Variants in ITGB3 observed in about 807,000 individuals in gnomAD.
ITGB3 encodes the protein integrin beta-3.
Under a neutral mutation model 85.8 loss-of-function variants are expected in ITGB3, and 48 were observed. That is an observed-to-expected ratio of 0.56 (90% CI 0.44 to 0.71). ITGB3 has a LOEUF of 0.71. Among genes scored for constraint, ITGB3 ranks in the 30% least tolerant of loss-of-function variants. The pLI, the probability that ITGB3 is intolerant of heterozygous loss-of-function variation, is 0.00. For missense variants in ITGB3, 861 were observed against 1,019.1 expected (o/e 0.84, Z 2.11); for synonymous variants, 363 against 395.6 (o/e 0.92, Z 0.98).
chr17:47,288,220 GAGAGAGAGAGAGAGAGAGAGAA>G (rs1481783364), intron 6 of ITGB3, among the ~76,000 whole-genome samples: 1 of 135,220 alleles, frequency 7.4e-6, no homozygotes, highest in Non-Finnish European at 1.6e-5. Flanking sequence ...GAGAGAGAGA[GAGAGAGAGAGAGAGAGAGAGAA>G]AGAGGGGAAA....
At chr17:47,300,904 G>A (rs1214020359) in intron 12 of ITGB3, among the ~76,000 whole-genome samples, 1 of 152,156 alleles carries the variant, frequency 6.6e-6, no homozygotes, top group Non-Finnish European at 1.5e-5. Flanking sequence ...AAAAACTGAG[G>A]CACAGAGCTG....
rs998051675 is a variant in ITGB3 at position 47,313,127 on chromosome 17, C to A, written c.*2923C>A. 6.6e-6 allele frequency among the ~76,000 whole-genome samples: 1 copy of A among 152,020 alleles called. No homozygotes were observed. Among genetic ancestry groups the A allele is most frequent in the Non-Finnish European group, 1.5e-5 (1 of 68,006 alleles). On this transcript the variant is annotated 3_prime_UTR_variant, in exon 15 of 15. Coordinates refer to ENST00000559488, the MANE Select transcript of ITGB3 (RefSeq NM_000212.3). ...TAGCCGGGATTACAGGCACCCGCCA[C>A]CACACCCGGCTAATTTTTGTATTTT...
At chr17:47,254,195 T>G (rs1302078849) in intron 1 of ITGB3, among the ~76,000 whole-genome samples, 1 of 151,960 alleles carries the variant, frequency 6.6e-6, no homozygotes, top group Non-Finnish European at 1.5e-5. Context: ...CTGAGCGCCT[T>G]CCCGGCCGCC....
intron 1 of ITGB3, among the ~76,000 whole-genome samples, chr17:47,269,537 C>G (rs1283253132): frequency 1.3e-5 from 2 of 152,230 alleles, no homozygotes; most frequent in Non-Finnish European, 2.9e-5. Context: ...TACTCCAGTT[C>G]CCAATAAGTT....
chr17:47,295,348 G>A (rs1341386580), intron 10 of ITGB3, among the ~76,000 whole-genome samples: 1 of 152,074 alleles, frequency 6.6e-6, no homozygotes, highest in Non-Finnish European at 1.5e-5. Flanking sequence ...TGTGGGGCTC[G>A]TGTTCCCAAT....
rs2143113174 is a variant in ITGB3, at chr17:47,292,331, G to A, written c.1453G>A (p.Val485Ile). Reference protein sequence around the residue: ...NNGNGTFECGVCRCGPGWLGS... With the variant: ...NNGNGTFECGICRCGPGWLGS... ...TGGCAATGGGACCTTTGAGTGTGGGGTATGCCGTTGTGGGCCTGGCTGGCT... is the reference window on the plus strand; with the variant it reads ...TGGCAATGGGACCTTTGAGTGTGGGATATGCCGTTGTGGGCCTGGCTGGCT... The change falls in exon 10 of 15, where the codon GTA becomes ATA. Residue 485 changes from valine to isoleucine, a missense_variant. Transcript: ENST00000559488. 1 of 1,614,218 alleles carries A rather than the reference G, an allele frequency of 6.2e-7. No individual in the cohort carries two copies. The highest frequency in any genetic ancestry group is 8.5e-7 in the Non-Finnish European group (1 of 1,180,032).
At chr17:47,308,687 C>A (rs111881478) in intron 14 of ITGB3, among the ~76,000 whole-genome samples, 2,343 of 151,908 alleles carry the variant, frequency 0.015, 52 homozygotes, top group African/African-American at 0.054. Context: ...TTTTTAGTAG[C>A]GACGGGGTTT....
intron 12 of ITGB3, among the ~76,000 whole-genome samples, chr17:47,301,658 A>G (rs1003717466): frequency 1.3e-5 from 2 of 152,154 alleles, no homozygotes; most frequent in Non-Finnish European, 2.9e-5. Flanking sequence ...CAGGGAAAAG[A>G]GTGTGGAAAT....
In ITGB3 at chr17:47,253,850, G is replaced by T; in HGVS notation, c.-12G>T. 8.2e-7 allele frequency: 1 copy of T among 1,213,820 alleles called. No individual in the cohort carries two copies. Among genetic ancestry groups the T allele is most frequent in the Non-Finnish European group, 1.0e-6 (1 of 976,538 alleles). 75.2% of individuals were successfully genotyped at this position (1,213,820 alleles called of 1,614,324 possible). A position where few individuals can be genotyped will look rare whatever the true frequency, so the allele number is the denominator to read the frequency against. On this transcript the variant is annotated 5_prime_UTR_variant, in exon 1 of 15. Coordinates refer to ENST00000559488, the MANE Select transcript of ITGB3 (RefSeq NM_000212.3). The stretch of plus-strand genomic sequence containing the variant: ...CTGTGGGGCGGGCGGAGCGCCGCGG[G>T]AGGCGGACGAGATGCGAGCGCGGCC...
intron 1 of ITGB3, among the ~76,000 whole-genome samples, chr17:47,260,620 G>A (rs1429999094): frequency 5.3e-5 from 8 of 152,126 alleles, no homozygotes; most frequent in African/African-American, 1.7e-4. Context: ...GCCATCGCAC[G>A]TGTTGAACTC....
intron 1 of ITGB3, chr17:47,259,330 T>C (rs946185473): frequency 6.9e-6 from 1 of 145,466 alleles, no homozygotes; most frequent in Admixed American, 6.8e-5. Context: ...TTTTTTTTTT[T>C]CCTTTTTTTT....
At chr17:47,267,486 A>C (rs2065029535) in intron 1 of ITGB3, among the ~76,000 whole-genome samples, 1 of 152,176 alleles carries the variant, frequency 6.6e-6, no homozygotes, top group Non-Finnish European at 1.5e-5. Flanking sequence ...GAGACTTCTG[A>C]TGAGTCAGTC....
intron 13 of ITGB3, among the ~76,000 whole-genome samples, chr17:47,305,836 T>C (rs1463547496): frequency 6.6e-6 from 1 of 152,204 alleles, no homozygotes; most frequent in Non-Finnish European, 1.5e-5. Context: ...CAGCTGGGTG[T>C]AAGAAGATCC....
chr17:47,278,667 C>T (rs996786592), intron 2 of ITGB3, among the ~76,000 whole-genome samples: 1 of 152,172 alleles, frequency 6.6e-6, no homozygotes, highest in Non-Finnish European at 1.5e-5. Flanking sequence ...TAGTCCATGG[C>T]CTGTTAGGAA....
At chr17:47,289,657 C>T in intron 6 of ITGB3, 24 bp from the exon 7 acceptor site, 2 of 1,534,442 alleles carry the variant, frequency 1.3e-6, no homozygotes, top group Non-Finnish European at 1.8e-6. Context: ...ACGTCATTAA[C>T]CTCTACATCC....
chr17:47,260,860 AT>A (rs1254637607), intron 1 of ITGB3, among the ~76,000 whole-genome samples: 1 of 151,856 alleles, frequency 6.6e-6, no homozygotes, highest in Non-Finnish European at 1.5e-5. Context: ...AAAATTATGT[AT>A]ATTTATGATG....
In ITGB3 at chr17:47,284,692, A is replaced by G. The variant is rs768860879; in HGVS notation, c.611A>G (p.Tyr204Cys). 3.7e-6 allele frequency: 6 copies of G among 1,614,174 alleles called. No individual in the cohort carries two copies. Among genetic ancestry groups the G allele is most frequent in the South Asian group, 3.3e-5 (3 of 91,076 alleles). Residue 204 changes from tyrosine to cysteine, a missense_variant, in exon 4 of 15, where the codon TAT (tyrosine) becomes TGT (cysteine). Tyr to Cys is a radical substitution (Grantham distance 194). Coordinates refer to ENST00000559488, the MANE Select transcript of ITGB3 (RefSeq NM_000212.3). Reference protein sequence around the residue: ...SPPEALENPCYDMKTTCLPMF... With the variant: ...SPPEALENPCCDMKTTCLPMF... ...CCAGAGGCCCTCGAAAACCCCTGCT[A>G]TGAGTAAGTCCCTCCTCCAGACGCC...
Position 47,307,511 on chromosome 17 carries a change from A to T in ITGB3, c.2175A>T (p.Ser725=). The T allele has an allele frequency of 6.2e-7, 1 of 1,614,170 alleles. No individual in the cohort carries two copies. The highest frequency in any genetic ancestry group is 1.1e-5 in the South Asian group (1 of 91,072). ...KGPDILVVLL[S]VMGAILLIGL... is the part of the protein sequence containing the mutation. ...CTGACATCCTGGTGGTCCTGCTCTCAGTGATGGGGGCCATTCTGCTCATTG... is the reference window on the plus strand; with the variant it reads ...CTGACATCCTGGTGGTCCTGCTCTCTGTGATGGGGGCCATTCTGCTCATTG... Residue 725 remains serine (S), a synonymous_variant, in exon 14 of 15, where the codon TCA becomes TCT. Transcript: ENST00000559488.
chr17:47,260,750 G>A (rs2065006252), intron 1 of ITGB3, among the ~76,000 whole-genome samples: 1 of 152,040 alleles, frequency 6.6e-6, no homozygotes, highest in Admixed American at 6.5e-5. Context: ...ATGCTGCCCT[G>A]GGCAGTTCTT....
Sources: allele counts gnomAD v4.1 joint callset (sites outside exome capture counted in the v4.1 genomes callset), GRCh38; gene constraint gnomAD v4.1.1; transcripts MANE v1.5; gene names NCBI Gene and HGNC (gene_info 2026-07-23, HGNC 2026-07-21).